The following SPAG17 variants were observed in gnomAD, a reference collection of about 807,000 sequenced individuals.
SPAG17 encodes sperm-associated antigen 17.
SPAG17 carries 169 observed loss-of-function variants against 273.6 expected under a neutral mutation model. The ratio of observed to expected loss-of-function variants is 0.62; its 90% CI spans 0.55 to 0.70. The LOEUF is 0.70. SPAG17 is among the 30% of genes least tolerant of loss of function. SPAG17 has a pLI of 0.00. For missense variants in SPAG17, 2,557 were observed against 2,627.8 expected (o/e 0.97, Z 0.59); for synonymous variants, 825 against 873.2 (o/e 0.94, Z 0.97).
intron 48 of SPAG17, chr1:117,957,128 CTT>C (rs1362111753): frequency 6.2e-7 from 1 of 1,612,726 alleles, no homozygotes; most frequent in Non-Finnish European, 8.5e-7. Context: ...TTCTTAAACT[CTT>C]TAACGAATTC....
rs141500815 is a variant in SPAG17, at chr1:118,065,029, A to C, written c.2540+1716T>G. Among the ~76,000 whole-genome samples, 750 of 152,208 alleles carry C rather than the reference A, an allele frequency of 4.9e-3. 7 individuals are homozygous for C. The highest frequency in any genetic ancestry group is 0.017 in the African/African-American group (726 of 41,566). ...ATAAAAGGAGAAAGAGTTAGAAAGC[A>C]AGAACAGATTTCTTAAAAATATTAG... is the stretch of plus-strand genomic sequence containing the variant. On this transcript the variant is annotated intron_variant, in intron 18 of 48. Transcript: ENST00000336338.
At chr1:118,084,132 G>A (rs1470172483) in intron 13 of SPAG17, among the ~76,000 whole-genome samples, 1 of 152,038 alleles carries the variant, frequency 6.6e-6, no homozygotes, top group Non-Finnish European at 1.5e-5. Flanking sequence ...ACAGAAAAAG[G>A]ACAGAAGTTC....
intron 5 of SPAG17, 38 bp from the exon 6 acceptor site, chr1:118,099,838 TA>T: frequency 6.3e-7 from 1 of 1,586,826 alleles, no homozygotes; most frequent in Non-Finnish European, 8.6e-7. Context: ...GCCATCATTG[TA>T]AAAGAGAGCA....
At chr1:118,059,069 T>C (rs1014389692) in intron 18 of SPAG17, among the ~76,000 whole-genome samples, 7 of 152,316 alleles carry the variant, frequency 4.6e-5, no homozygotes, top group Admixed American at 2.6e-4. Context: ...CTGGAAAATC[T>C]AGATGTCATG....
chr1:117,973,415 T>C lies in SPAG17; in HGVS notation c.6141+10A>G. 6.2e-7 allele frequency: 1 copy of C among 1,610,474 alleles called. No homozygotes were observed. The highest frequency in any genetic ancestry group is 8.5e-7 in the Non-Finnish European group (1 of 1,178,096). On this transcript the variant is annotated intron_variant, in intron 44 of 48. Coordinates refer to ENST00000336338, the MANE Select transcript of SPAG17 (RefSeq NM_206996.4). ...TGGCTGTGGGGAATTTGTTCCAATGTTTGTTTTACCTTTGCAAGAGGTTGA... is the reference window on the plus strand; with the variant it reads ...TGGCTGTGGGGAATTTGTTCCAATGCTTGTTTTACCTTTGCAAGAGGTTGA...
At chr1:118,128,597 G>T (rs1487303686) in intron 3 of SPAG17, among the ~76,000 whole-genome samples, 3 of 152,036 alleles carry the variant, frequency 2.0e-5, no homozygotes, top group Admixed American at 6.6e-5. Context: ...TAAAAATCCT[G>T]CTTTCAGTCT....
At chr1:118,026,747 A>G (rs2101858133) in intron 26 of SPAG17, among the ~76,000 whole-genome samples, 1 of 152,290 alleles carries the variant, frequency 6.6e-6, no homozygotes, top group Admixed American at 6.5e-5. Flanking sequence ...TCATTTTCTT[A>G]TATTACAAAA....
At chr1:118,110,366 G>T (rs1656687838) in intron 4 of SPAG17, among the ~76,000 whole-genome samples, 1 of 152,048 alleles carries the variant, frequency 6.6e-6, no homozygotes, top group African/African-American at 2.4e-5. Flanking sequence ...AAAACAGAAA[G>T]AAAAATGCCA....
In SPAG17 at chr1:118,031,672, C is replaced by A. The variant is rs1313293177; in HGVS notation, c.3609+20G>T. The A allele has an allele frequency of 6.2e-7, 1 of 1,609,998 alleles. No homozygotes were observed. The highest frequency in any genetic ancestry group is 2.2e-5 in the East Asian group (1 of 44,768). The stretch of plus-strand genomic sequence containing the variant: ...TGAAGCAGAAACAGAGTTTGGGAAT[C>A]TATGGCAAGGTTCATTTACCTTTTT... On this transcript the variant is annotated intron_variant, in intron 25 of 48. Transcript: ENST00000336338.
Position 118,099,711 on chromosome 1 carries a change from T to C in SPAG17, c.724A>G (p.Ile242Val). 1 of 1,613,944 alleles carries C rather than the reference T, an allele frequency of 6.2e-7. No individual in the cohort carries two copies. Among genetic ancestry groups the C allele is most frequent in the Non-Finnish European group, 8.5e-7 (1 of 1,179,934 alleles). Reference protein sequence around the residue: ...QLLAIMAELGIPITSVIKISS... With the variant: ...QLLAIMAELGVPITSVIKISS... ...ATTTTAATCACGCTGGTTATAGGAA[T>C]GCCAAGCTCAGCCATAATTGCTAAT... Residue 242 changes from isoleucine to valine, a missense_variant, in exon 6 of 49, where the codon ATT becomes GTT. By Grantham distance (29) the Ile-to-Val change is conservative. Coordinates refer to ENST00000336338, the MANE Select transcript of SPAG17 (RefSeq NM_206996.4).
chr1:118,167,023 A>G (rs984731194), intron 1 of SPAG17, among the ~76,000 whole-genome samples: 7 of 152,134 alleles, frequency 4.6e-5, no homozygotes, highest in African/African-American at 9.7e-5. Flanking sequence ...ACTACATAAC[A>G]CATTATGTTA....
rs1659156894 is a variant in SPAG17 at position 118,148,240 on chromosome 1, G to C, written c.315+2303C>G. ...GTGTGTCTGGAGTTGATTCCTTCCA[G>C]TGGGTTCCTCGTCTCACTGACTTCA... On this transcript the variant is annotated intron_variant, in intron 3 of 48. Coordinates refer to ENST00000336338, the MANE Select transcript of SPAG17 (RefSeq NM_206996.4). Among the ~76,000 whole-genome samples, 3 of 152,170 alleles carry C rather than the reference G, an allele frequency of 2.0e-5. No individual in the cohort carries two copies. The South Asian group carries it at 6.2e-4, about 32-fold the overall frequency.
chr1:118,178,490 A>G (rs553209130), intron 1 of SPAG17, among the ~76,000 whole-genome samples: 4 of 152,186 alleles, frequency 2.6e-5, no homozygotes, highest in African/African-American at 7.2e-5. Flanking sequence ...CTGACCAGGA[A>G]GAAATGGAAA....
chr1:118,076,370 G>C (rs745305658), intron 15 of SPAG17: 2 of 152,158 alleles, frequency 1.3e-5, no homozygotes, highest in Non-Finnish European at 2.9e-5. Flanking sequence ...TTGGGCTGGT[G>C]AAGGTGACAG....
intron 17 of SPAG17, among the ~76,000 whole-genome samples, chr1:118,071,703 CTT>C (rs1480341553): frequency 4.6e-5 from 7 of 151,220 alleles, no homozygotes; most frequent in Non-Finnish European, 8.8e-5. Context: ...ATAAATATAA[CTT>C]TAGGAAATCA....
In SPAG17 at chr1:118,138,728, CTCATTATTTACTTCTTATAG is replaced by C. The variant is rs1407902875; in HGVS notation, c.315+11795_315+11814del. 5.9e-5 allele frequency among the ~76,000 whole-genome samples: 9 copies of C among 152,258 alleles called. No individual in the cohort carries two copies. In the South Asian group the frequency reaches 1.9e-3, roughly 32 times the overall value. On this transcript the variant is annotated intron_variant, in intron 3 of 48. Coordinates refer to ENST00000336338, the MANE Select transcript of SPAG17 (RefSeq NM_206996.4). ...TACTGAATTACTACCGTTAAAATGG[CTCATTATTTACTTCTTATAG>C]TCTTTAATGGTATTTTGTTATTAGT...
chr1:118,060,541 G>C (rs1308156209), intron 18 of SPAG17, among the ~76,000 whole-genome samples: 3 of 152,138 alleles, frequency 2.0e-5, no homozygotes, highest in African/African-American at 2.4e-5. Flanking sequence ...TTTTATGCTA[G>C]TGTTAAATGT....
intron 24 of SPAG17, among the ~76,000 whole-genome samples, chr1:118,032,473 T>G (rs1213351471): frequency 6.6e-6 from 1 of 152,062 alleles, no homozygotes; most frequent in Non-Finnish European, 1.5e-5. Context: ...TGTCATGAAT[T>G]TTATTTTCCT....
intron 29 of SPAG17, among the ~76,000 whole-genome samples, chr1:118,014,611 G>A (rs2997482): frequency 6.6e-6 from 1 of 152,212 alleles, no homozygotes; most frequent in Non-Finnish European, 1.5e-5. Context: ...GTAGGCTGAA[G>A]AGGAAAAAAT....
Sources: allele counts gnomAD v4.1 joint callset (sites outside exome capture counted in the v4.1 genomes callset), GRCh38; gene constraint gnomAD v4.1.1; transcripts MANE v1.5; gene names NCBI Gene and HGNC (gene_info 2026-07-23, HGNC 2026-07-21).